IFIT3: variants seen among roughly 807,000 people sequenced by gnomAD.
The protein encoded by IFIT3 is interferon induced protein with tetratricopeptide repeats 3.
Under a neutral mutation model 2.4 loss-of-function variants are expected in IFIT3, and 2 were observed. The ratio of observed to expected loss-of-function variants is 0.82; its 90% confidence interval spans 0.34 to 2.60. The LOEUF is 2.60. IFIT3 is among the 30% of genes most tolerant of loss of function. The pLI is 0.11. For missense variants in IFIT3, 481 were observed against 562.4 expected, an observed-to-expected ratio of 0.86 and a Z score of 1.46; for synonymous variants, 203 against 212.1, an observed-to-expected ratio of 0.96 and a Z score of 0.37.
At chr10:89,331,634 C>A (rs945770134) in intron 1 of IFIT3, among the ~76,000 whole-genome samples, 2 of 152,088 alleles carry the variant, frequency 1.3e-5, no homozygotes, top group Non-Finnish European at 2.9e-5. Flanking sequence ...CCGAGGAGGG[C>A]AGATGCTTGA....
rs775188256 is a variant in IFIT3 at position 89,338,661 on chromosome 10, T to G, written c.6T>G (p.Ser2Arg). Residue 2 changes from serine (S) to arginine (R), a missense_variant and splice_region_variant, in exon 2 of 2, where the codon AGT (serine) becomes AGG (arginine). Physicochemically the swap from Ser to Arg is moderately radical, Grantham distance 110. Transcript: ENST00000371818. ...GTGACCATGTTTATTTTCTCCACAG[T>G]GAGGTCACCAAGAATTCCCTGGAGA... MSEVTKNSLEKI... is the reference protein window; with the variant it reads MREVTKNSLEKI... 34 of 1,609,070 alleles carry G rather than the reference T, an allele frequency of 2.1e-5. No individual in the cohort carries two copies. Among genetic ancestry groups the G allele is most frequent in the Non-Finnish European group, 2.7e-5 (32 of 1,176,980 alleles).
chr10:89,338,587 A>C, intron 1 of IFIT3, 74 bp from the exon 2 acceptor site: 1 of 1,381,400 alleles, frequency 7.2e-7, no homozygotes, highest in Non-Finnish European at 9.9e-7. Flanking sequence ...TTCAATTGAC[A>C]TATAAAATTA....
Position 89,339,920 on chromosome 10 carries a change from G to A in IFIT3, c.1265G>A (p.Gly422Glu). 6.2e-7 allele frequency: 1 copy of A among 1,614,190 alleles called. No homozygotes were observed. Among genetic ancestry groups the A allele is most frequent in the South Asian group, 1.1e-5 (1 of 91,080 alleles). ...GCACCAAATTATTGGTATCTTCAAG[G>A]ATTAATTCATAAGCAGAATGGAGAT... ...QNAPNYWYLQ[G>E]LIHKQNGDLL... Residue 422 changes from glycine to glutamate, a missense_variant, in exon 2 of 2, where the codon GGA becomes GAA. By Grantham distance (98) the Gly-to-Glu change is moderately conservative. Transcript: ENST00000371818.
intron 1 of IFIT3, among the ~76,000 whole-genome samples, chr10:89,336,674 CT>C (rs1843745753): frequency 6.6e-6 from 1 of 152,132 alleles, no homozygotes; most frequent in Admixed American, 6.5e-5. Context: ...TCTTTTCTAT[CT>C]TTTAAAATAA....
chr10:89,336,704 T>C (rs1843746053), intron 1 of IFIT3, among the ~76,000 whole-genome samples: 1 of 152,252 alleles, frequency 6.6e-6, no homozygotes, highest in Admixed American at 6.5e-5. Flanking sequence ...TCAGAATAGA[T>C]GGTTGGTATC....
At chr10:89,328,445 G>T (rs1260676426) in intron 1 of IFIT3, among the ~76,000 whole-genome samples, 1 of 152,142 alleles carries the variant, frequency 6.6e-6, no homozygotes, top group Non-Finnish European at 1.5e-5. Flanking sequence ...AGACCTAAGG[G>T]AATTACTCTT....
Position 89,340,583 on chromosome 10 carries a change from A to AGTTGTTTT in IFIT3, c.*456_*463dup, listed in dbSNP as rs1843854242. 7.1e-6 allele frequency: 1 copy of AGTTGTTTT among 140,832 alleles called. No homozygotes were observed. The highest frequency in any genetic ancestry group is 1.5e-5 in the Non-Finnish European group (1 of 66,312). 8.7% of individuals were successfully genotyped at this position (140,832 alleles called of 1,614,324 possible). ...AAAAAAAAAAAAAAAAAAAAAAAAG[A>AGTTGTTTT]GTTGTTTTCTCATGTTCATTATAGT... On this transcript the variant is annotated 3_prime_UTR_variant, in exon 2 of 2. Coordinates refer to ENST00000371818, the MANE Select transcript of IFIT3 (RefSeq NM_001549.6).
At chr10:89,328,309 G>A (rs1424314069) in intron 1 of IFIT3, among the ~76,000 whole-genome samples, 1 of 152,164 alleles carries the variant, frequency 6.6e-6, no homozygotes, top group Non-Finnish European at 1.5e-5. Context: ...CTACATGGGG[G>A]GAGGCAGGGT....
intron 1 of IFIT3, 24 bp from the exon 2 acceptor site, chr10:89,338,629 CATCACAGT>C (rs1464086490): frequency 6.3e-7 from 1 of 1,587,158 alleles, no homozygotes; most frequent in South Asian, 1.2e-5. Flanking sequence ...TGGCAGTGTA[CATCACAGT>C]GACCATGTTT....
chr10:89,338,999 T>C lies in IFIT3; in HGVS notation c.344T>C (p.Ile115Thr). Residue 115 changes from isoleucine to threonine, a missense_variant, in exon 2 of 2, where the codon ATT becomes ACT. By Grantham distance (89) the Ile-to-Thr change is moderately conservative. Transcript: ENST00000371818. ...YHLGRLSDAQIYVDKVKQTCK... is the reference protein window; with the variant it reads ...YHLGRLSDAQTYVDKVKQTCK... ...TTGGGCAGACTCTCAGATGCTCAGA[T>C]TTATGTAGATAAGGTGAAACAAACC... is the stretch of plus-strand genomic sequence containing the variant. 6.2e-7 allele frequency: 1 copy of C among 1,614,162 alleles called. No individual in the cohort carries two copies. Among genetic ancestry groups the C allele is most frequent in the East Asian group, 2.2e-5 (1 of 44,882 alleles).
chr10:89,336,329 G>A (rs1329545823), intron 1 of IFIT3, among the ~76,000 whole-genome samples: 2 of 152,160 alleles, frequency 1.3e-5, no homozygotes, highest in African/African-American at 2.4e-5. Flanking sequence ...GAAAAGGACT[G>A]TCCCCAAATC....
At chr10:89,332,925 G>A (rs1159652908) in intron 1 of IFIT3, among the ~76,000 whole-genome samples, 1 of 152,188 alleles carries the variant, frequency 6.6e-6, no homozygotes, top group Non-Finnish European at 1.5e-5. Flanking sequence ...GAAAGCTGGG[G>A]CCTGGAGGGA....
chr10:89,336,158 AAGGG>A (rs529603450), intron 1 of IFIT3, among the ~76,000 whole-genome samples: 4 of 136,068 alleles, frequency 2.9e-5, no homozygotes, highest in East Asian at 5.2e-4. Flanking sequence ...GGGAGGGAGG[AAGGG>A]AGGGAGGGAG....
At chr10:89,329,385 T>C (rs1328919632) in intron 1 of IFIT3, among the ~76,000 whole-genome samples, 1 of 152,176 alleles carries the variant, frequency 6.6e-6, no homozygotes, top group Non-Finnish European at 1.5e-5. Flanking sequence ...GCAAGGCGTC[T>C]TAGTAGCCAG....
intron 1 of IFIT3, chr10:89,338,251 G>A (rs7916812): frequency 0.25 from 41,186 of 162,624 alleles, 5,614 homozygotes; most frequent in African/African-American, 0.32. Context: ...GGAGACCAAG[G>A]AAAGTTGATG....
chr10:89,335,332 C>T (rs535619426), intron 1 of IFIT3: 2 of 152,234 alleles, frequency 1.3e-5, no homozygotes, highest in East Asian at 3.9e-4. Flanking sequence ...CCTGAGAGAT[C>T]CATATTCAGA....
chr10:89,339,859 C>T lies in IFIT3; in HGVS notation c.1204C>T (p.Pro402Ser), dbSNP rs376587457. The change falls in exon 2 of 2, where the codon CCA becomes TCA. Residue 402 changes from proline to serine, a missense_variant. By Grantham distance (74) the Pro-to-Ser change is moderately conservative (BLOSUM62 -1). Coordinates refer to ENST00000371818, the MANE Select transcript of IFIT3 (RefSeq NM_001549.6). Reference sequence around the variant, plus strand: ...TGACAAGGAAGAGATCAAAGACCAACCACAGAATGTATCTGAAAATCTGCT... The same window carrying T: ...TGACAAGGAAGAGATCAAAGACCAATCACAGAATGTATCTGAAAATCTGCT... ...STDKEEIKDQPQNVSENLLPQ... is the reference protein window; with the variant it reads ...STDKEEIKDQSQNVSENLLPQ... 2 of 1,614,060 alleles carry T rather than the reference C, an allele frequency of 1.2e-6. No homozygotes were observed. Among genetic ancestry groups the T allele is most frequent in the African/African-American group, 2.7e-5 (2 of 74,944 alleles).
chr10:89,334,600 A>AATC (rs1161237993), intron 1 of IFIT3, among the ~76,000 whole-genome samples: 2 of 71,382 alleles, frequency 2.8e-5, no homozygotes, highest in African/African-American at 3.2e-4. Flanking sequence ...GTTTCAAGCA[A>AATC]TTCTGCCTCG....
intron 1 of IFIT3, among the ~76,000 whole-genome samples, chr10:89,333,414 A>G (rs186319541): frequency 6.6e-6 from 1 of 152,350 alleles, no homozygotes; most frequent in Non-Finnish European, 1.5e-5. Context: ...CTTACAGAAG[A>G]AATGTCCATC....
Sources: gnomAD v4.1 joint callset for allele counts (sites outside exome capture counted in the v4.1 genomes callset) on GRCh38, gnomAD v4.1.1 for gene constraint, MANE v1.5 for transcripts, NCBI Gene and HGNC (gene_info 2026-07-23, HGNC 2026-07-21) for gene names.